AHI1: variants seen among roughly 807,000 people sequenced by gnomAD.
The protein encoded by AHI1 is jouberin.
Under a neutral mutation model 149.3 loss-of-function variants are expected in AHI1, and 123 were observed. The ratio of observed to expected loss-of-function variants is 0.82; its 90% confidence interval spans 0.71 to 0.96. AHI1 has a LOEUF of 0.96. AHI1 is among the 40% of genes least tolerant of loss of function. AHI1 has a pLI of 0.00. For missense variants in AHI1, 1,439 were observed against 1,422.7 expected, an observed-to-expected ratio of 1.01 and a Z score of -0.18; for synonymous variants, 475 against 459.8, an observed-to-expected ratio of 1.03 and a Z score of -0.42.
At chr6:135,394,602 T>C (rs1279757562) in intron 23 of AHI1, 174 bp downstream of exon 23, 1 of 889,294 alleles carries the variant, frequency 1.1e-6, no homozygotes, top group African/African-American at 1.7e-5. Flanking sequence ...AATTCCAAAC[T>C]TACTTTTGAA....
At chr6:135,457,994 C>G (rs961501952) in intron 8 of AHI1, among the ~76,000 whole-genome samples, 1 of 151,934 alleles carries the variant, frequency 6.6e-6, no homozygotes, top group Non-Finnish European at 1.5e-5. Context: ...AGAAAAGTAA[C>G]TTTATCCAGG....
At chr6:135,373,555 C>A (rs981645140) in intron 23 of AHI1, among the ~76,000 whole-genome samples, 1 of 152,114 alleles carries the variant, frequency 6.6e-6, no homozygotes, top group African/African-American at 2.4e-5. Flanking sequence ...TTTTATGTTT[C>A]TTGGGAGACA....
intron 21 of AHI1, 51 bp downstream of exon 21, chr6:135,411,297 A>G (rs1251875268): frequency 2.6e-6 from 4 of 1,517,330 alleles, no homozygotes; most frequent in Non-Finnish European, 2.7e-6. Flanking sequence ...ATGGCAATGT[A>G]AAACAGGATA....
intron 23 of AHI1, 21 bp downstream of exon 23, chr6:135,394,755 C>T (rs1778986289): frequency 1.2e-6 from 2 of 1,608,676 alleles, no homozygotes; most frequent in South Asian, 1.1e-5. Context: ...AAAGAATTGT[C>T]AAAGTAAGAA....
In AHI1 at chr6:135,284,196, C is replaced by T. The variant is rs1781480971; in HGVS notation, c.*1449G>A. The T allele has an allele frequency of 6.6e-6, 1 of 152,178 alleles. No homozygotes were observed. Among genetic ancestry groups the T allele is most frequent in the African/African-American group, 2.4e-5 (1 of 41,446 alleles). 9.4% of individuals were successfully genotyped at this position (152,178 alleles called of 1,614,324 possible). On this transcript the variant is annotated 3_prime_UTR_variant, in exon 29 of 29. Coordinates refer to ENST00000265602, the MANE Select transcript of AHI1 (RefSeq NM_001134831.2). ...TTCACCAGTTATCAGTGCCACTCAA[C>T]ACTTTCAAAAATGCCTTTTTTTTAA...
chr6:135,310,919 G>T (rs1785110243), intron 26 of AHI1, among the ~76,000 whole-genome samples: 1 of 151,800 alleles, frequency 6.6e-6, no homozygotes, highest in Non-Finnish European at 1.5e-5. Flanking sequence ...GCATTTTCAG[G>T]AATTAAAAAA....
chr6:135,301,764 G>A (rs1783907559), intron 26 of AHI1: 2 of 985,330 alleles, frequency 2.0e-6, no homozygotes, highest in Non-Finnish European at 1.2e-6. Flanking sequence ...TTCTCCACCA[G>A]TGGAATTGCT....
chr6:135,431,182 C>A, intron 17 of AHI1, 26 bp downstream of exon 17: 2 of 1,450,636 alleles, frequency 1.4e-6, no homozygotes, highest in Admixed American at 2.0e-5. Context: ...TAATTAAATC[C>A]CAAAATATAA....
chr6:135,483,665 G>A (rs1280197214), intron 5 of AHI1, among the ~76,000 whole-genome samples: 2 of 152,148 alleles, frequency 1.3e-5, no homozygotes, highest in African/African-American at 2.4e-5. Flanking sequence ...AACCACTCCA[G>A]ACTTAGCAGT....
At chr6:135,329,187 T>C (rs1261282022) in intron 24 of AHI1, among the ~76,000 whole-genome samples, 1 of 152,218 alleles carries the variant, frequency 6.6e-6, no homozygotes, top group African/African-American at 2.4e-5. Flanking sequence ...AAGGTGGCTA[T>C]ACTAAAGAAT....
At chr6:135,325,181 C>T (rs934690569) in intron 24 of AHI1, among the ~76,000 whole-genome samples, 6 of 152,090 alleles carry the variant, frequency 3.9e-5, no homozygotes, top group Admixed American at 6.6e-5. Flanking sequence ...CGCCCACCAC[C>T]GCGCCTGGCT....
chr6:135,294,096 G>A (rs1019809513), intron 27 of AHI1, among the ~76,000 whole-genome samples: 6 of 151,906 alleles, frequency 3.9e-5, no homozygotes, highest in Non-Finnish European at 5.9e-5. Context: ...AGGCTGAGGC[G>A]GGTGGATCAC....
Position 135,429,975 on chromosome 6 carries a change from C to A in AHI1, c.2399G>T (p.Gly800Val). ...NKEIKETEFK[G>V]IPISYLEIHP... ...AATCTCCAAATAACTTATTGGAATT[C>A]CCTTAAACTCAGTTTCTTTAATTTC... The change falls in exon 18 of 29, where the codon GGA (glycine) becomes GTA (valine). Residue 800 changes from glycine (G) to valine (V), a missense_variant. Gly to Val is a moderately radical substitution (Grantham distance 109). Coordinates refer to ENST00000265602, the MANE Select transcript of AHI1 (RefSeq NM_001134831.2). 1 of 1,569,718 alleles carries A rather than the reference C, an allele frequency of 6.4e-7. No individual in the cohort carries two copies. Among genetic ancestry groups the A allele is most frequent in the Non-Finnish European group, 8.7e-7 (1 of 1,154,266 alleles).
chr6:135,367,471 C>A (rs549312813), intron 23 of AHI1, among the ~76,000 whole-genome samples: 1 of 151,980 alleles, frequency 6.6e-6, no homozygotes, highest in Non-Finnish European at 1.5e-5. Context: ...TTTTGGATTT[C>A]TCTTCTTCCA....
At chr6:135,423,077 GCCT>G (rs1783441981) in intron 20 of AHI1, among the ~76,000 whole-genome samples, 1 of 152,024 alleles carries the variant, frequency 6.6e-6, no homozygotes, top group Non-Finnish European at 1.5e-5. Context: ...TTTTCTCTGT[GCCT>G]CCGTTTCATC....
intron 11 of AHI1, among the ~76,000 whole-genome samples, chr6:135,451,522 A>T (rs953869161): frequency 2.6e-5 from 4 of 152,070 alleles, no homozygotes; most frequent in African/African-American, 9.7e-5. Context: ...GTCATTGGTG[A>T]CTCTAAAAAG....
chr6:135,306,360 C>T (rs1479704843), intron 26 of AHI1, among the ~76,000 whole-genome samples: 1 of 152,112 alleles, frequency 6.6e-6, no homozygotes, highest in African/African-American at 2.4e-5. Context: ...GGTAAAATTA[C>T]AGAAATATAG....
At chr6:135,394,564 A>G in intron 23 of AHI1, 1 of 567,568 alleles carries the variant, frequency 1.8e-6, no homozygotes, top group Non-Finnish European at 3.1e-6. Context: ...TGTTAATAGC[A>G]CATAGGTTCA....
chr6:135,426,454 T>C (rs1005261836), intron 20 of AHI1, among the ~76,000 whole-genome samples: 1 of 151,690 alleles, frequency 6.6e-6, no homozygotes, highest in Non-Finnish European at 1.5e-5. Context: ...ATCAATTCAA[T>C]CTATATTAAC....
Sources: allele counts gnomAD v4.1 joint callset (sites outside exome capture counted in the v4.1 genomes callset), GRCh38; gene constraint gnomAD v4.1.1; transcripts MANE v1.5; gene names NCBI Gene and HGNC (gene_info 2026-07-23, HGNC 2026-07-21).